NIPBL: variants seen among roughly 807,000 people sequenced by gnomAD.
NIPBL encodes the protein NIPBL cohesin loading factor.
NIPBL carries 19 observed loss-of-function variants against 321.8 expected under a neutral mutation model. The ratio of observed to expected loss-of-function variants is 0.06; its 90% CI spans 0.04 to 0.09. The LOEUF (loss-of-function observed/expected upper bound fraction) is 0.09. NIPBL is among the 10% of genes least tolerant of loss of function. The pLI is 1.00. For missense variants in NIPBL, 2,210 were observed against 3,327.0 expected, an observed-to-expected ratio of 0.66 and a Z score of 8.26; for synonymous variants, 1,106 against 1,114.1, an observed-to-expected ratio of 0.99 and a Z score of 0.14.
chr5:36,925,422 C>T (rs1749278160), intron 1 of NIPBL, among the ~76,000 whole-genome samples: 1 of 151,926 alleles, frequency 6.6e-6, no homozygotes, highest in Admixed American at 6.6e-5. Context: ...GCATGTACCA[C>T]CACACCGGCT....
chr5:37,006,613 A>G, intron 17 of NIPBL, 25 bp downstream of exon 17: 1 of 1,507,044 alleles, frequency 6.6e-7, no homozygotes, highest in Non-Finnish European at 9.1e-7. Context: ...TATCAAAATT[A>G]TTGTAAATTT....
At position 37,038,823 on chromosome 5, in the gene NIPBL, C is replaced by T. The variant is rs995504185; in HGVS notation, c.6108+85C>T. ...AGAGTTCACATGCGTCAACCACATT[C>T]TCACTGACAGATCAACTGTGTCATT... On this transcript the variant is annotated intron_variant, in intron 34 of 46. Coordinates refer to ENST00000282516, the MANE Select transcript of NIPBL (RefSeq NM_133433.4). 4 of 1,328,574 alleles carry T rather than the reference C, an allele frequency of 3.0e-6. No homozygotes were observed. In the Middle Eastern group the frequency reaches 7.6e-4, roughly 251 times the overall value. 82.3% of individuals were successfully genotyped at this position (1,328,574 alleles called of 1,614,324 possible).
intron 1 of NIPBL, among the ~76,000 whole-genome samples, chr5:36,894,331 A>G (rs1360019100): frequency 6.6e-6 from 1 of 152,032 alleles, no homozygotes; most frequent in Non-Finnish European, 1.5e-5. Flanking sequence ...AAAGTGAAGT[A>G]TCCAAAAAAA....
chr5:37,045,800 A>G (rs1752915243), intron 37 of NIPBL, among the ~76,000 whole-genome samples: 1 of 152,214 alleles, frequency 6.6e-6, no homozygotes, highest in South Asian at 2.1e-4. Context: ...TAACCAGATA[A>G]TGAAATTTCC....
intron 29 of NIPBL, among the ~76,000 whole-genome samples, chr5:37,023,977 C>T (rs1347533625): frequency 6.6e-6 from 1 of 151,522 alleles, no homozygotes; most frequent in Non-Finnish European, 1.5e-5. Context: ...ACCAGCCTGA[C>T]AACATGGTGA....
intron 1 of NIPBL, among the ~76,000 whole-genome samples, chr5:36,952,053 T>TGTGTGTGTGCGTGCGC (rs778597604): frequency 1.6e-4 from 18 of 112,212 alleles, no homozygotes; most frequent in Non-Finnish European, 3.0e-4. Context: ...TGTGTGTGTG[T>TGTGTGTGTGCGTGCGC]GCGCGCGCGC....
intron 1 of NIPBL, among the ~76,000 whole-genome samples, chr5:36,896,830 C>T (rs1746780158): frequency 6.6e-6 from 1 of 152,028 alleles, no homozygotes; most frequent in Non-Finnish European, 1.5e-5. Flanking sequence ...GAACTCCTGG[C>T]CTCAAGTGAT....
Position 37,064,985 on chromosome 5 carries a change from A to G in NIPBL, c.*93A>G. On this transcript the variant is annotated 3_prime_UTR_variant, in exon 47 of 47. Coordinates refer to ENST00000282516, the MANE Select transcript of NIPBL (RefSeq NM_133433.4). ...ATTCTGGCAAAAAAAAATCAGTTTT[A>G]TGAAGAGTAAGTGGAACCTGGGATG... is the stretch of plus-strand genomic sequence containing the variant. 1 of 1,511,384 alleles carries G rather than the reference A, an allele frequency of 6.6e-7. No homozygotes were observed. The highest frequency in any genetic ancestry group is 9.1e-7 in the Non-Finnish European group (1 of 1,098,076). The allele number at this position is 1,511,384 out of a possible 1,614,324, so 93.6% of individuals were successfully genotyped here.
chr5:37,038,782 T>C (rs760886326), intron 34 of NIPBL, 44 bp downstream of exon 34: 1 of 1,594,756 alleles, frequency 6.3e-7, no homozygotes, highest in Non-Finnish European at 8.6e-7. Context: ...CATAAAACAT[T>C]AAGTGCTTTA....
chr5:37,058,359 C>T (rs1754319287), intron 43 of NIPBL, among the ~76,000 whole-genome samples: 1 of 152,208 alleles, frequency 6.6e-6, no homozygotes, highest in Admixed American at 6.5e-5. Context: ...GCCCCACACA[C>T]ACACACCACA....
intron 15 of NIPBL, among the ~76,000 whole-genome samples, 179 bp downstream of exon 15, chr5:37,002,944 G>A (rs1746988625): frequency 6.6e-6 from 1 of 151,234 alleles, no homozygotes; most frequent in Admixed American, 6.6e-5. Flanking sequence ...AAAGTATTCT[G>A]CAGATTATTC....
chr5:36,988,612 C>G (rs747428100), intron 10 of NIPBL, among the ~76,000 whole-genome samples: 1 of 151,760 alleles, frequency 6.6e-6, no homozygotes, highest in Non-Finnish European at 1.5e-5. Context: ...GTATATGAAG[C>G]ACAGTTGTAG....
intron 11 of NIPBL, among the ~76,000 whole-genome samples, chr5:36,998,191 G>A (rs1746369123): frequency 6.6e-6 from 1 of 152,078 alleles, no homozygotes; most frequent in South Asian, 2.1e-4. Context: ...GCTTATTCCA[G>A]GGTAATGAGA....
intron 42 of NIPBL, among the ~76,000 whole-genome samples, chr5:37,053,965 A>G (rs1463607963): frequency 6.6e-6 from 1 of 152,202 alleles, no homozygotes; most frequent in African/African-American, 2.4e-5. Flanking sequence ...TGGGAGGCCA[A>G]GGCAGGTGGA....
chr5:37,054,079 C>T (rs962508856), intron 42 of NIPBL, among the ~76,000 whole-genome samples: 2 of 151,856 alleles, frequency 1.3e-5, no homozygotes, highest in Non-Finnish European at 2.9e-5. Flanking sequence ...GCCTGTAATC[C>T]CAGCTACTCA....
chr5:36,976,747 A>G (rs1347972444), intron 9 of NIPBL, among the ~76,000 whole-genome samples: 1 of 152,102 alleles, frequency 6.6e-6, no homozygotes, highest in Non-Finnish European at 1.5e-5. Flanking sequence ...GTGCACCTTC[A>G]AATTTTTTTC....
At chr5:37,056,248 T>A (rs1475764629) in intron 42 of NIPBL, among the ~76,000 whole-genome samples, 1 of 152,182 alleles carries the variant, frequency 6.6e-6, no homozygotes, top group African/African-American at 2.4e-5. Context: ...GATACTCTTA[T>A]GAATATTAAT....
intron 1 of NIPBL, 21 bp downstream of exon 1, chr5:36,877,199 TCGGCGGCGG>T (rs964914981): frequency 2.7e-5 from 5 of 187,734 alleles, no homozygotes; most frequent in Admixed American, 6.2e-5. Context: ...GCTCTTTATT[TCGGCGGCGG>T]CGGCGGCGGC....
intron 22 of NIPBL, among the ~76,000 whole-genome samples, chr5:37,015,672 C>G (rs181857905): frequency 6.6e-6 from 1 of 151,938 alleles, no homozygotes; most frequent in Non-Finnish European, 1.5e-5. Context: ...GGAGGGTTGC[C>G]GTAAGCCAAG....
Sources: gnomAD v4.1 joint callset for allele counts (sites outside exome capture counted in the v4.1 genomes callset) on GRCh38, gnomAD v4.1.1 for gene constraint, MANE v1.5 for transcripts, NCBI Gene and HGNC (gene_info 2026-07-23, HGNC 2026-07-21) for gene names.